Variants in SULF2 observed in about 807,000 individuals in gnomAD.
The protein encoded by SULF2 is sulfatase 2.
Under a neutral mutation model 107.7 loss-of-function variants are expected in SULF2, and 52 were observed. The ratio of observed to expected loss-of-function variants is 0.48; its 90% CI spans 0.39 to 0.61. The LOEUF is 0.61. Among genes scored for constraint, SULF2 ranks in the 20% least tolerant of loss-of-function variants. The pLI is 0.00. For synonymous variants in SULF2, 460 were observed against 464.3 expected (o/e 0.99, Z 0.12); for missense variants, 993 against 1,177.3 (o/e 0.84, Z 2.29).
At chr20:47,722,710 T>C (rs1354623338) in intron 3 of SULF2, among the ~76,000 whole-genome samples, 1 of 151,964 alleles carries the variant, frequency 6.6e-6, no homozygotes, top group Non-Finnish European at 1.5e-5. Context: ...GGCAGGCAGA[T>C]CACTTGAGGT....
At chr20:47,755,914 C>CTT (rs60027908) in intron 2 of SULF2, among the ~76,000 whole-genome samples, 9 of 147,336 alleles carry the variant, frequency 6.1e-5, no homozygotes, top group African/African-American at 1.5e-4. Flanking sequence ...CTCCCTGGCA[C>CTT]TTTTTTTTTT....
rs1023584061 is a variant in SULF2 at position 47,675,480 on chromosome 20, A to G, written c.1380+1014T>C. On this transcript the variant is annotated intron_variant, in intron 10 of 20. Transcript: ENST00000688720. Reference sequence around the variant, plus strand: ...ACAAACACACACTGGGTGGGGAGGCACAGTCAGGCCTGTATGGGCCTGTAC... The same window carrying G: ...ACAAACACACACTGGGTGGGGAGGCGCAGTCAGGCCTGTATGGGCCTGTAC... Among the ~76,000 whole-genome samples the G allele has an allele frequency of 3.9e-5, 6 of 152,222 alleles. No homozygotes were observed. The South Asian group carries it at 1.2e-3, about 32-fold the overall frequency.
At chr20:47,673,324 T>C (rs1193774100) in intron 10 of SULF2, among the ~76,000 whole-genome samples, 1 of 152,220 alleles carries the variant, frequency 6.6e-6, no homozygotes, top group Non-Finnish European at 1.5e-5. Flanking sequence ...CACTGTGTGT[T>C]AATATATTAA....
At chr20:47,712,863 G>A (rs991837864) in intron 3 of SULF2, among the ~76,000 whole-genome samples, 1 of 152,108 alleles carries the variant, frequency 6.6e-6, no homozygotes, top group African/African-American at 2.4e-5. Flanking sequence ...GAGAAGCCCT[G>A]TCTCTACCAA....
intron 6 of SULF2, among the ~76,000 whole-genome samples, chr20:47,683,379 C>T (rs528544973): frequency 1.3e-5 from 2 of 152,234 alleles, no homozygotes; most frequent in Non-Finnish European, 2.9e-5. Flanking sequence ...TTCTTCATGG[C>T]CCTTCTTGGC....
At chr20:47,749,065 C>T (rs2090107665) in intron 2 of SULF2, among the ~76,000 whole-genome samples, 1 of 151,348 alleles carries the variant, frequency 6.6e-6, no homozygotes, top group South Asian at 2.1e-4. Context: ...TTCTTGCTGC[C>T]TAGAGTGTGG....
chr20:47,762,625 C>T (rs1352581079), intron 1 of SULF2, among the ~76,000 whole-genome samples: 10 of 152,242 alleles, frequency 6.6e-5, no homozygotes, highest in Non-Finnish European at 1.0e-4. Flanking sequence ...GTCTCCCAGC[C>T]TCAGTTTCCT....
rs372743026 is a variant in SULF2 at position 47,702,674 on chromosome 20, C to T, written c.416-4G>A. On this transcript the variant is annotated splice_polypyrimidine_tract_variant and splice_region_variant and intron_variant, in intron 3 of 20. Coordinates refer to ENST00000688720, the MANE Select transcript of SULF2 (RefSeq NM_001387048.1). ...TTAAGATACTTCCCGAAGAAAGCTG[C>T]GGAGGGAGATGGATCAGGAGGCCAC... 277 of 1,613,370 alleles carry T rather than the reference C, an allele frequency of 1.7e-4. 2 individuals carry two copies. The East Asian group carries it at 4.2e-3, about 25-fold the overall frequency.
intron 3 of SULF2, 46 bp from the exon 4 acceptor site, chr20:47,702,716 C>A (rs116404534): frequency 5.0e-6 from 8 of 1,598,678 alleles, no homozygotes; most frequent in Non-Finnish European, 6.8e-6. Flanking sequence ...AAGTGCCTGA[C>A]GATGTTTATT....
chr20:47,763,771 T>G (rs1568919677), intron 1 of SULF2, among the ~76,000 whole-genome samples: 1 of 152,166 alleles, frequency 6.6e-6, no homozygotes, highest in Non-Finnish European at 1.5e-5. Flanking sequence ...CCTGCCTGGA[T>G]TCCAACAGCC....
intron 3 of SULF2, among the ~76,000 whole-genome samples, chr20:47,713,399 CTG>C (rs1343821710): frequency 3.9e-5 from 6 of 152,088 alleles, no homozygotes; most frequent in African/African-American, 1.4e-4. Flanking sequence ...TTGTGAAACT[CTG>C]TGTAAAGTGC....
In SULF2 at chr20:47,657,584, AAAC is replaced by A. The variant is rs1204826007; in HGVS notation, c.*775_*777del. The A allele has an allele frequency of 3.3e-5, 5 of 152,346 alleles. No homozygotes were observed. Among genetic ancestry groups the A allele is most frequent in the African/African-American group, 9.6e-5 (4 of 41,578 alleles). 9.4% of individuals were successfully genotyped at this position (152,346 alleles called of 1,614,324 possible). A position where few individuals can be genotyped will look rare whatever the true frequency, so the allele number is the denominator to read the frequency against. ...ATTTCTTTTCAGTACCTTAAAAAAA[AAAC>A]ATCAGTTCTGGGACATAACAAAGAA... is the stretch of plus-strand genomic sequence containing the variant. On this transcript the variant is annotated 3_prime_UTR_variant, in exon 21 of 21. Transcript: ENST00000688720.
chr20:47,713,957 G>C (rs1315524760), intron 3 of SULF2, among the ~76,000 whole-genome samples: 1 of 152,038 alleles, frequency 6.6e-6, no homozygotes. Flanking sequence ...TTGGGGAGGA[G>C]TGTTCATGCC....
intron 1 of SULF2, among the ~76,000 whole-genome samples, chr20:47,765,341 G>C (rs1472873293): frequency 7.5e-5 from 11 of 146,256 alleles, no homozygotes; most frequent in Non-Finnish European, 1.3e-4. Context: ...GTGACAGAGC[G>C]ACACTGCCTT....
chr20:47,734,417 ATAATC>A (rs1287953128), intron 3 of SULF2, among the ~76,000 whole-genome samples: 1 of 152,252 alleles, frequency 6.6e-6, no homozygotes, highest in Non-Finnish European at 1.5e-5. Context: ...AAAGGAAAAA[ATAATC>A]TAAAAGGTTT....
rs1026573053 is a variant in SULF2 at position 47,660,439 on chromosome 20, G to C, written c.2495-709C>G. Among the ~76,000 whole-genome samples, 5 of 152,132 alleles carry C rather than the reference G, an allele frequency of 3.3e-5. No homozygotes were observed. The South Asian group carries it at 1.0e-3, about 32-fold the overall frequency. On this transcript the variant is annotated intron_variant, in intron 18 of 20. Transcript: ENST00000688720. ...ATAACTAGAGCCGACGGTAGCGTCTGAATTCCTCCTAAGCTGTGTAGCCAT... is the reference window on the plus strand; with the variant it reads ...ATAACTAGAGCCGACGGTAGCGTCTCAATTCCTCCTAAGCTGTGTAGCCAT...
chr20:47,708,248 G>A (rs971740593), intron 3 of SULF2, among the ~76,000 whole-genome samples: 1 of 152,214 alleles, frequency 6.6e-6, no homozygotes, highest in African/African-American at 2.4e-5. Flanking sequence ...AGGCCTCGCT[G>A]GGCTGAAGAG....
intron 11 of SULF2, among the ~76,000 whole-genome samples, chr20:47,669,320 C>G (rs2146428742): frequency 6.6e-6 from 1 of 152,318 alleles, no homozygotes; most frequent in East Asian, 1.9e-4. Context: ...CCCCGTGGAT[C>G]AAGGTGGGCC....
Position 47,736,822 on chromosome 20 carries a change from T to C in SULF2, c.296A>G (p.Lys99Arg), listed in dbSNP as rs756937244. 5 of 1,614,172 alleles carry C rather than the reference T, an allele frequency of 3.1e-6. No individual in the cohort carries two copies. The South Asian group carries it at 4.4e-5, about 14-fold the overall frequency. Reference sequence around the variant, plus strand: ...GTAGGTGTTGTGGTTGTGGACGTACTTGCCAGTGAGGATGGAGGAGCGTGA... The same window carrying C: ...GTAGGTGTTGTGGTTGTGGACGTACCTGCCAGTGAGGATGGAGGAGCGTGA... ...CPSRSSILTG[K>R]YVHNHNTYTN... Residue 99 changes from lysine to arginine, a missense_variant, in exon 3 of 21, where the codon AAG (lysine) becomes AGG (arginine). Lys to Arg is a conservative substitution (Grantham distance 26). This residue lies in a region of SULF2 where 388 missense variants were observed against 449.2 expected (regional missense o/e 0.86). Transcript: ENST00000688720.
Sources: allele counts gnomAD v4.1 joint callset (sites outside exome capture counted in the v4.1 genomes callset), GRCh38; gene constraint gnomAD v4.1.1; regional missense constraint gnomAD v4.1.1; transcripts MANE v1.5; gene names NCBI Gene and HGNC (gene_info 2026-07-23, HGNC 2026-07-21).